The following WDPCP variants were observed in gnomAD, a reference collection of about 807,000 sequenced individuals.
WDPCP encodes WD repeat containing planar cell polarity effector.
A neutral mutation model predicts 93.1 loss-of-function variants in WDPCP; 71 were observed. The observed-to-expected ratio is 0.76, with a 90% CI of 0.63 to 0.93. The LOEUF is 0.93. Ranked by LOEUF, WDPCP falls within the 40% of genes least tolerant of loss-of-function variation. The pLI is 0.00. For missense variants in WDPCP, 844 were observed against 887.4 expected (o/e 0.95, Z 0.62); for synonymous variants, 315 against 315.0 (o/e 1.00, Z 0.00).
rs369303824 is a variant in WDPCP, at chr2:63,626,636, A to C, written n.488+24023T>G. ...CAAAACCACAATGAGATACCATCTC[A>C]TACCAGTTAGAATGGCAATCATCAA... On this transcript the variant is annotated intron_variant and non_coding_transcript_variant, in intron 3 of 4. Coordinates refer to the WDPCP transcript ENST00000467687. 3.9e-5 allele frequency among the ~76,000 whole-genome samples: 6 copies of C among 152,376 alleles called. No homozygotes were observed. In the South Asian group the frequency reaches 1.2e-3, roughly 32 times the overall value.
upstream of WDPCP, among the ~76,000 whole-genome samples, chr2:63,831,325 G>T (rs1671191232): frequency 6.6e-6 from 1 of 151,992 alleles, no homozygotes; most frequent in South Asian, 2.1e-4. Flanking sequence ...CTTGCCTCTT[G>T]CCATTCTGCA....
intron 12 of WDPCP, among the ~76,000 whole-genome samples, chr2:63,342,324 G>A (rs1195323631): frequency 3.9e-5 from 6 of 152,060 alleles, no homozygotes; most frequent in African/African-American, 7.2e-5. Context: ...GATTTAATCC[G>A]TTGTTTCAAT....
At chr2:63,760,104 C>T (rs1180248753) in intron 2 of WDPCP, among the ~76,000 whole-genome samples, 1 of 152,118 alleles carries the variant, frequency 6.6e-6, no homozygotes. Flanking sequence ...GGCTCCAAGC[C>T]CCAAGTACGT....
chr2:63,461,976 T>A (rs558425085), intron 6 of WDPCP, among the ~76,000 whole-genome samples: 1 of 152,322 alleles, frequency 6.6e-6, no homozygotes, highest in Admixed American at 6.5e-5. Context: ...GAAATACCAT[T>A]TGATCCAGCC....
At chr2:63,176,504 T>C (rs1391784497) in intron 14 of WDPCP, among the ~76,000 whole-genome samples, 1 of 152,146 alleles carries the variant, frequency 6.6e-6, no homozygotes, top group African/African-American at 2.4e-5. Flanking sequence ...TCCCACTTCC[T>C]GTGGTGGCTC....
At chr2:63,622,664 C>T in intron 3 of WDPCP, 1 of 1,613,880 alleles carries the variant, frequency 6.2e-7, no homozygotes, top group Non-Finnish European at 8.5e-7. Flanking sequence ...TGGTCTTGGT[C>T]AGGAGTCGCC....
intron 1 of WDPCP, among the ~76,000 whole-genome samples, chr2:63,562,658 T>G (rs1706715082): frequency 6.6e-6 from 1 of 152,262 alleles, no homozygotes. Context: ...TCCAACATTT[T>G]TCTACATAAG....
At position 63,156,297 on chromosome 2, in the gene WDPCP, C is replaced by T. The variant is rs543836598; in HGVS notation, c.2079-2723G>A. ...GGATTACAAGCATGAGCCACCATGC[C>T]AGGCCCATTTATTTTAATCTTCTTA... On this transcript the variant is annotated intron_variant, in intron 15 of 17. Coordinates refer to ENST00000272321, the MANE Select transcript of WDPCP (RefSeq NM_015910.7). Among the ~76,000 whole-genome samples, 5 of 152,244 alleles carry T rather than the reference C, an allele frequency of 3.3e-5. No individual in the cohort carries two copies. The East Asian group carries it at 7.7e-4, about 23-fold the overall frequency.
chr2:63,522,696 A>G (rs965937404), intron 1 of WDPCP, among the ~76,000 whole-genome samples: 8 of 152,298 alleles, frequency 5.3e-5, no homozygotes, highest in African/African-American at 1.7e-4. Context: ...CTATGAACAC[A>G]GCTAGGAAAT....
intron 13 of WDPCP, among the ~76,000 whole-genome samples, chr2:63,288,515 AT>A (rs1684176645): frequency 6.6e-6 from 1 of 152,332 alleles, no homozygotes; most frequent in African/African-American, 2.4e-5. Flanking sequence ...GAAAATTTAT[AT>A]TTTTTAAGTA....
At chr2:63,422,952 A>C (rs1695982591) in intron 9 of WDPCP, among the ~76,000 whole-genome samples, 1 of 152,248 alleles carries the variant, frequency 6.6e-6, no homozygotes, top group Non-Finnish European at 1.5e-5. Context: ...TAAGTGGCTA[A>C]TATTAAACTA....
At chr2:63,365,216 T>TC (rs2104708316) in intron 12 of WDPCP, among the ~76,000 whole-genome samples, 1 of 152,138 alleles carries the variant, frequency 6.6e-6, no homozygotes, top group South Asian at 2.1e-4. Context: ...GAAGAATAAG[T>TC]CAATGTAGGT....
At chr2:63,432,164 C>T (rs1382451777) in intron 9 of WDPCP, among the ~76,000 whole-genome samples, 3 of 152,026 alleles carry the variant, frequency 2.0e-5, no homozygotes, top group African/African-American at 7.2e-5. Context: ...CTAGCCAAAT[C>T]GTTCCACAGA....
intron 2 of WDPCP, among the ~76,000 whole-genome samples, chr2:63,489,753 G>A (rs1412533770): frequency 6.6e-6 from 1 of 151,622 alleles, no homozygotes; most frequent in Non-Finnish European, 1.5e-5. Context: ...TCCATAAAGT[G>A]GAAAACTTGA....
chr2:63,766,637 G>A (rs1670143832), intron 2 of WDPCP, among the ~76,000 whole-genome samples: 1 of 151,236 alleles, frequency 6.6e-6, no homozygotes, highest in Non-Finnish European at 1.5e-5. Context: ...TATGTTTAAA[G>A]TCTCACTATG....
chr2:63,589,178 T>C, upstream of WDPCP: 1 of 1,608,532 alleles, frequency 6.2e-7, no homozygotes, highest in Non-Finnish European at 8.5e-7. Flanking sequence ...AAGCTCGGAC[T>C]CATCTTCTGG....
intron 15 of WDPCP, among the ~76,000 whole-genome samples, chr2:63,164,874 C>A (rs1672855984): frequency 6.6e-6 from 1 of 152,044 alleles, no homozygotes; most frequent in African/African-American, 2.4e-5. Flanking sequence ...TTATAATCAT[C>A]AGGTGAACCA....
intron 2 of WDPCP, among the ~76,000 whole-genome samples, chr2:63,704,759 C>A (rs1168811270): frequency 6.6e-6 from 1 of 152,076 alleles, no homozygotes; most frequent in African/African-American, 2.4e-5. Context: ...CTAAAATGCT[C>A]TTTTTTTGTT....
chr2:63,213,078 A>C (rs1676976537), intron 14 of WDPCP, among the ~76,000 whole-genome samples: 1 of 152,198 alleles, frequency 6.6e-6, no homozygotes, highest in African/African-American at 2.4e-5. Flanking sequence ...ACAGAAAGTT[A>C]ACAAAATTAT....
Sources: gnomAD v4.1 joint callset for allele counts (sites outside exome capture counted in the v4.1 genomes callset) on GRCh38, gnomAD v4.1.1 for gene constraint, MANE v1.5 for transcripts, NCBI Gene and HGNC (gene_info 2026-07-23, HGNC 2026-07-21) for gene names.